Variants in ANKRD50 observed in about 807,000 individuals in gnomAD.
The protein encoded by ANKRD50 is ankyrin repeat domain-containing protein 50.
In ANKRD50, 40 loss-of-function variants were observed where a neutral mutation model predicts 112.0. The ratio of observed to expected loss-of-function variants is 0.36; its 90% CI spans 0.28 to 0.46. The LOEUF (loss-of-function observed/expected upper bound fraction) is 0.46. ANKRD50 is among the 20% of genes least tolerant of loss of function. ANKRD50 has a pLI of 1.00. For missense variants in ANKRD50, 1,487 were observed against 1,701.7 expected, an observed-to-expected ratio of 0.87 and a Z score of 2.22; for synonymous variants, 613 against 619.1, an observed-to-expected ratio of 0.99 and a Z score of 0.15.
Position 124,667,021 on chromosome 4 carries a change from A to C in ANKRD50, c.*497T>G, listed in dbSNP as rs1171296280. 1.3e-5 allele frequency: 2 copies of C among 152,036 alleles called. No homozygotes were observed. The highest frequency in any genetic ancestry group is 2.9e-5 in the Non-Finnish European group (2 of 67,960). The allele number at this position is 152,036 out of a possible 1,614,324, so 9.4% of individuals were successfully genotyped here. ...GGTGTAGTGAACATAGAACAGTTGCAAGATTTGTTTTATTGAGCAACGTCT... is the reference window on the plus strand; with the variant it reads ...GGTGTAGTGAACATAGAACAGTTGCCAGATTTGTTTTATTGAGCAACGTCT... On this transcript the variant is annotated 3_prime_UTR_variant, in exon 5 of 5. Coordinates refer to ENST00000504087, the MANE Select transcript of ANKRD50 (RefSeq NM_020337.3).
intron 2 of ANKRD50, among the ~76,000 whole-genome samples, chr4:124,688,620 A>G (rs531378667): frequency 1.1e-4 from 17 of 152,342 alleles, no homozygotes; most frequent in African/African-American, 4.1e-4. Flanking sequence ...GAGACTAACT[A>G]TGTCCTCCAT....
rs1033841956 is a variant in ANKRD50 at position 124,667,438 on chromosome 4, AT to A, written c.*79del. On this transcript the variant is annotated 3_prime_UTR_variant, in exon 5 of 5. Transcript: ENST00000504087. ...TTCATTTTTTTTGTTTTTTCAGCAA[AT>A]CAACAGGCATATGTTTCCATCCAGT... The A allele has an allele frequency of 1.3e-5, 2 of 152,008 alleles. No homozygotes were observed. The highest frequency in any genetic ancestry group is 2.4e-5 in the African/African-American group (1 of 41,420). 9.4% of individuals were successfully genotyped at this position (152,008 alleles called of 1,614,324 possible).
intron 3 of ANKRD50, among the ~76,000 whole-genome samples, chr4:124,676,198 TAGAA>T: frequency 6.6e-6 from 1 of 151,762 alleles, no homozygotes; most frequent in East Asian, 1.9e-4. Context: ...TGTTTATGAG[TAGAA>T]AGAAAGCATA....
chr4:124,704,842 C>T (rs1725468654), intron 2 of ANKRD50, among the ~76,000 whole-genome samples: 1 of 152,160 alleles, frequency 6.6e-6, no homozygotes, highest in Non-Finnish European at 1.5e-5. Flanking sequence ...CGCCTGTAAT[C>T]CCAGCACTCT....
chr4:124,679,024 C>A, intron 2 of ANKRD50, 119 bp from the exon 3 acceptor site: 1 of 757,230 alleles, frequency 1.3e-6, no homozygotes, highest in Non-Finnish European at 2.1e-6. Flanking sequence ...GGTATTAGAA[C>A]AAAAAATATT....
At chr4:124,677,539 T>C (rs1427519515) in intron 3 of ANKRD50, among the ~76,000 whole-genome samples, 1 of 151,948 alleles carries the variant, frequency 6.6e-6, no homozygotes, top group Non-Finnish European at 1.5e-5. Context: ...CAACGATATA[T>C]TTCTGAAGCA....
chr4:124,703,497 C>T (rs1394223252), intron 2 of ANKRD50, among the ~76,000 whole-genome samples: 1 of 151,912 alleles, frequency 6.6e-6, no homozygotes, highest in African/African-American at 2.4e-5. Flanking sequence ...ACTATAGGAG[C>T]CAAGCTGGCA....
At chr4:124,682,561 G>T (rs139165605) in intron 2 of ANKRD50, among the ~76,000 whole-genome samples, 3 of 152,026 alleles carry the variant, frequency 2.0e-5, no homozygotes, top group Non-Finnish European at 4.4e-5. Flanking sequence ...TTGAAGTTCT[G>T]TTTTAAGGGC....
chr4:124,705,875 T>C (rs1166914779), intron 2 of ANKRD50, among the ~76,000 whole-genome samples: 8 of 152,066 alleles, frequency 5.3e-5, no homozygotes, highest in African/African-American at 1.9e-4. Context: ...GCTCTCAAAG[T>C]AAGTAAAAAT....
At chr4:124,685,233 A>G (rs1724982886) in intron 2 of ANKRD50, among the ~76,000 whole-genome samples, 1 of 152,154 alleles carries the variant, frequency 6.6e-6, no homozygotes, top group Non-Finnish European at 1.5e-5. Context: ...TGCACTGTTA[A>G]ATTTCCCAGC....
intron 3 of ANKRD50, among the ~76,000 whole-genome samples, chr4:124,677,365 A>G (rs1730796746): frequency 6.6e-6 from 1 of 151,858 alleles, no homozygotes; most frequent in Non-Finnish European, 1.5e-5. Flanking sequence ...ACAGCAAAAA[A>G]CTGAAAATGA....
At chr4:124,704,349 G>A (rs1206156761) in intron 2 of ANKRD50, among the ~76,000 whole-genome samples, 5 of 152,156 alleles carry the variant, frequency 3.3e-5, no homozygotes, top group South Asian at 2.1e-4. Flanking sequence ...AGGGTAAGAA[G>A]GAGGCACACA....
intron 2 of ANKRD50, among the ~76,000 whole-genome samples, chr4:124,701,110 T>G (rs968343028): frequency 6.6e-6 from 1 of 152,134 alleles, no homozygotes; most frequent in Non-Finnish European, 1.5e-5. Flanking sequence ...ATTACAGGCA[T>G]GTACCACCAT....
chr4:124,685,746 TAC>T (rs1308925744), intron 2 of ANKRD50, among the ~76,000 whole-genome samples: 2 of 152,298 alleles, frequency 1.3e-5, no homozygotes, highest in Non-Finnish European at 2.9e-5. Flanking sequence ...CAATATTTAT[TAC>T]ATTCTTAATT....
chr4:124,703,685 GA>G (rs1725444349), intron 2 of ANKRD50, among the ~76,000 whole-genome samples: 1 of 148,954 alleles, frequency 6.7e-6, no homozygotes, highest in Non-Finnish European at 1.5e-5. Context: ...TTTTTTTCAA[GA>G]AAAAGCAAAA....
chr4:124,692,747 A>G (rs922598367), intron 2 of ANKRD50, among the ~76,000 whole-genome samples: 1 of 152,184 alleles, frequency 6.6e-6, no homozygotes, highest in Non-Finnish European at 1.5e-5. Context: ...CCAGACTTCA[A>G]ACCTGCCCAT....
Position 124,672,209 on chromosome 4 carries a change from C to T in ANKRD50, c.1068G>A (p.Val356=), listed in dbSNP as rs1462895252. Residue 356 remains valine, a synonymous_variant, in exon 4 of 5, where the codon GTG becomes GTA. Transcript: ENST00000504087. ...QFAKVQPILN[V]ILAACRPLTI... is the part of the protein sequence containing the mutation. Reference sequence around the variant, plus strand: ...TCAAAGGTCGGCAGGCTGCAAGAATCACATTCAAAATAGGCTGAACCTTTG... The same window carrying T: ...TCAAAGGTCGGCAGGCTGCAAGAATTACATTCAAAATAGGCTGAACCTTTG... 1 of 1,613,832 alleles carries T rather than the reference C, an allele frequency of 6.2e-7. No individual in the cohort carries two copies. Among genetic ancestry groups the T allele is most frequent in the Non-Finnish European group, 8.5e-7 (1 of 1,179,850 alleles).
At position 124,710,475 on chromosome 4, in the gene ANKRD50, C is replaced by A. The variant is rs1338724899; in HGVS notation, c.37G>T (p.Ala13Ser). ...NPWEEKVCKM[A>S]QTSLLQGKQF... is the part of the protein sequence containing the mutation. ...TTCCCTTGCAGTAAACTGGTTTGAG[C>A]CATTTTGCAGACTTTCTCTTCCCAA... Residue 13 changes from alanine (A) to serine (S), a missense_variant, in exon 2 of 5, where the codon GCT becomes TCT. Physicochemically the swap from Ala to Ser is moderately conservative, Grantham distance 99. Transcript: ENST00000504087. 10 of 1,613,384 alleles carry A rather than the reference C, an allele frequency of 6.2e-6. No individual in the cohort carries two copies. Among genetic ancestry groups the A allele is most frequent in the South Asian group, 4.4e-5 (4 of 91,074 alleles).
chr4:124,682,790 T>C lies in ANKRD50; in HGVS notation c.513-3885A>G, dbSNP rs184558962. Among the ~76,000 whole-genome samples, 470 of 152,262 alleles carry C rather than the reference T, an allele frequency of 3.1e-3. 1 individual carries two copies. Among genetic ancestry groups the C allele is most frequent in the African/African-American group, 0.011 (444 of 41,572 alleles). On this transcript the variant is annotated intron_variant, in intron 2 of 4. Transcript: ENST00000504087. ...CTCTTTATATGTGAAGTGAAATTTT[T>C]ATAGGCAACATATAATTAAATCTTG...
Sources: gnomAD v4.1 joint callset for allele counts (sites outside exome capture counted in the v4.1 genomes callset) on GRCh38, gnomAD v4.1.1 for gene constraint, MANE v1.5 for transcripts, NCBI Gene and HGNC (gene_info 2026-07-23, HGNC 2026-07-21) for gene names.